The following PRKAG2 variants were observed in gnomAD, a reference collection of about 807,000 sequenced individuals.
The protein encoded by PRKAG2 is 5'-AMP-activated protein kinase subunit gamma-2.
In PRKAG2, 26 loss-of-function variants were observed where a neutral mutation model predicts 69.6. The ratio of observed to expected loss-of-function variants is 0.37; its 90% CI spans 0.27 to 0.52. The LOEUF (loss-of-function observed/expected upper bound fraction) is 0.52, where lower values mean the gene tolerates loss of function less well. Ranked by LOEUF, PRKAG2 falls within the 20% of genes least tolerant of loss-of-function variation. PRKAG2 has a pLI of 0.90. For missense variants in PRKAG2, 557 were observed against 740.0 expected (o/e 0.75, Z 2.87); for synonymous variants, 293 against 285.0 (o/e 1.03, Z -0.28).
chr7:151,619,744 G>A (rs955144456), intron 5 of PRKAG2, among the ~76,000 whole-genome samples: 2 of 152,136 alleles, frequency 1.3e-5, no homozygotes, highest in Non-Finnish European at 2.9e-5. Context: ...CCGGCTAGAC[G>A]CGGTGGCTCA....
intron 4 of PRKAG2, among the ~76,000 whole-genome samples, chr7:151,667,280 A>T (rs1831194407): frequency 6.6e-6 from 1 of 152,172 alleles, no homozygotes; most frequent in Admixed American, 6.5e-5. Context: ...CATGATAAAC[A>T]TCCTGCACAC....
chr7:151,851,025 G>A (rs1019524753), intron 1 of PRKAG2, among the ~76,000 whole-genome samples: 1 of 152,150 alleles, frequency 6.6e-6, no homozygotes, highest in Non-Finnish European at 1.5e-5. Context: ...AATTCCTCCA[G>A]CGATCCCGCC....
At chr7:151,767,229 G>T (rs916223160) in intron 3 of PRKAG2, among the ~76,000 whole-genome samples, 1 of 152,204 alleles carries the variant, frequency 6.6e-6, no homozygotes, top group Non-Finnish European at 1.5e-5. Flanking sequence ...AGCCTCAGAA[G>T]GAGCCGGCCC....
At chr7:151,559,985 ACT>A (rs1393382295) in intron 15 of PRKAG2, 4 of 985,246 alleles carry the variant, frequency 4.1e-6, no homozygotes, top group Non-Finnish European at 4.8e-6. Flanking sequence ...ACTGTCTGAG[ACT>A]CTGAAGGCTT....
At chr7:151,728,772 C>T (rs1298441316) in intron 3 of PRKAG2, among the ~76,000 whole-genome samples, 1 of 152,132 alleles carries the variant, frequency 6.6e-6, no homozygotes, top group African/African-American at 2.4e-5. Context: ...CTCTCACAGC[C>T]CTGATGAGCG....
chr7:151,805,071 C>T lies in PRKAG2; in HGVS notation c.115-18530G>A, dbSNP rs1348715739. ...CCTCCCTGCATACATGTGCTGTCTCCTGTTGAGTGGGCGAATCTGTTCCTC... is the reference window on the plus strand; with the variant it reads ...CCTCCCTGCATACATGTGCTGTCTCTTGTTGAGTGGGCGAATCTGTTCCTC... On this transcript the variant is annotated intron_variant, in intron 1 of 15. Transcript: ENST00000287878. Among the ~76,000 whole-genome samples the T allele has an allele frequency of 4.6e-5, 7 of 152,342 alleles. 2 individuals carry two copies. The highest frequency in any genetic ancestry group is 1.4e-4 in the African/African-American group (6 of 41,578).
chr7:151,673,400 C>T (rs1222473502), intron 4 of PRKAG2, among the ~76,000 whole-genome samples: 3 of 152,138 alleles, frequency 2.0e-5, no homozygotes, highest in Non-Finnish European at 4.4e-5. Context: ...GCTGTCATTG[C>T]CCTTATCAGA....
At chr7:151,562,244 C>CAAAAAAAAAAAAAAAAAAAAAAAAAAAA in intron 14 of PRKAG2, among the ~76,000 whole-genome samples, 1 of 38,476 alleles carries the variant, frequency 2.6e-5, no homozygotes, top group East Asian at 7.3e-4. Flanking sequence ...GACTTTGTCT[C>CAAAAAAAAAAAAAAAAAAAAAAAAAAAA]AAAAAAAAAA....
intron 1 of PRKAG2, among the ~76,000 whole-genome samples, chr7:151,861,952 C>G (rs1303373218): frequency 6.6e-6 from 1 of 151,588 alleles, no homozygotes; most frequent in East Asian, 1.9e-4. Context: ...TGCTCACACA[C>G]AGGACTCTGT....
At position 151,798,813 on chromosome 7, in the gene PRKAG2, G is replaced by A. The variant is rs187948122; in HGVS notation, c.115-12272C>T. 3.6e-4 allele frequency among the ~76,000 whole-genome samples: 55 copies of A among 152,210 alleles called. No individual in the cohort carries two copies. In the East Asian group the frequency reaches 5.0e-3, roughly 14 times the overall value. On this transcript the variant is annotated intron_variant, in intron 1 of 15. Coordinates refer to ENST00000287878, the MANE Select transcript of PRKAG2 (RefSeq NM_016203.4). Reference sequence around the variant, plus strand: ...GGCTGAAGCCCTCTGACCCCTCTCCGTACTTTATGCCCAGAAATACACATG... The same window carrying A: ...GGCTGAAGCCCTCTGACCCCTCTCCATACTTTATGCCCAGAAATACACATG...
intron 1 of PRKAG2, among the ~76,000 whole-genome samples, chr7:151,833,833 G>C (rs1206134934): frequency 1.3e-5 from 2 of 152,338 alleles, no homozygotes; most frequent in Non-Finnish European, 2.9e-5. Context: ...GCCTCCCCCA[G>C]ATGGCGGGAG....
chr7:151,728,724 G>T (rs1005089829), intron 3 of PRKAG2, among the ~76,000 whole-genome samples: 1 of 152,162 alleles, frequency 6.6e-6, no homozygotes, highest in African/African-American at 2.4e-5. Flanking sequence ...CCAGAGGGCG[G>T]CTGCTCCCAG....
At chr7:151,844,549 G>A (rs1301593048) in intron 1 of PRKAG2, among the ~76,000 whole-genome samples, 1 of 152,184 alleles carries the variant, frequency 6.6e-6, no homozygotes, top group Non-Finnish European at 1.5e-5. Flanking sequence ...GTTATTTTAG[G>A]TAGGTCATAC....
chr7:151,578,098 T>C (rs1809425197), intron 6 of PRKAG2, among the ~76,000 whole-genome samples: 1 of 151,904 alleles, frequency 6.6e-6, no homozygotes, highest in Non-Finnish European at 1.5e-5. Flanking sequence ...CCTAGCACTC[T>C]GGGAGGCCCC....
At position 151,567,920 on chromosome 7, in the gene PRKAG2, A is replaced by G. The variant is rs1170607544; in HGVS notation, c.1233+796T>C. ...GTGAAGCCATGGGGAGGAAAATGGG[A>G]AAGCTAATTTGAAGTACATTTTTAA... On this transcript the variant is annotated intron_variant, in intron 11 of 15. Coordinates refer to ENST00000287878, the MANE Select transcript of PRKAG2 (RefSeq NM_016203.4). This position sits in a 1 kb window ranked among gnomAD's most constrained non-coding sequence, Gnocchi z 4.2. Among the ~76,000 whole-genome samples the G allele has an allele frequency of 6.6e-6, 1 of 152,206 alleles. No homozygotes were observed. The highest frequency in any genetic ancestry group is 1.9e-4 in the East Asian group (1 of 5,194).
At chr7:151,731,538 G>A (rs113114066) in intron 3 of PRKAG2, among the ~76,000 whole-genome samples, 3 of 152,142 alleles carry the variant, frequency 2.0e-5, no homozygotes, top group Non-Finnish European at 4.4e-5. Flanking sequence ...GTGTGTGTGC[G>A]CACAGGTACA....
intron 1 of PRKAG2, among the ~76,000 whole-genome samples, chr7:151,867,036 C>T (rs2080096659): frequency 1.3e-5 from 2 of 152,160 alleles, no homozygotes; most frequent in African/African-American, 4.8e-5. Flanking sequence ...CACACTAGAA[C>T]TTCCAGCAGT....
At chr7:151,864,387 A>C (rs2080009248) in intron 1 of PRKAG2, among the ~76,000 whole-genome samples, 2 of 152,084 alleles carry the variant, frequency 1.3e-5, no homozygotes, top group African/African-American at 4.8e-5. Context: ...TTTCCTCATT[A>C]TACGGCGGTC....
At chr7:151,744,061 T>C (rs1329032311) in intron 3 of PRKAG2, among the ~76,000 whole-genome samples, 3 of 152,188 alleles carry the variant, frequency 2.0e-5, no homozygotes, top group Non-Finnish European at 2.9e-5. Context: ...GGCTCGAAGA[T>C]GGAGCACGGT....
Sources: gnomAD v4.1 joint callset for allele counts (sites outside exome capture counted in the v4.1 genomes callset) on GRCh38, gnomAD v4.1.1 for gene constraint, Gnocchi (gnomAD v3.1) non-coding constraint, MANE v1.5 for transcripts, NCBI Gene and HGNC (gene_info 2026-07-23, HGNC 2026-07-21) for gene names.